Variants in SNTG1 observed in about 807,000 individuals in gnomAD.
The protein encoded by SNTG1 is gamma-1-syntrophin.
In SNTG1, 39 loss-of-function variants were observed where a neutral mutation model predicts 74.7. The ratio of observed to expected loss-of-function variants is 0.52; its 90% CI spans 0.40 to 0.68. The LOEUF is 0.68. Ranked by LOEUF, SNTG1 falls within the 30% of genes least tolerant of loss-of-function variation. SNTG1 has a pLI of 0.00. For missense variants in SNTG1, 685 were observed against 609.5 expected (o/e 1.12, Z -1.30); for synonymous variants, 254 against 217.1 (o/e 1.17, Z -1.49).
At chr8:50,740,824 A>G (rs886500740) in intron 17 of SNTG1, among the ~76,000 whole-genome samples, 4 of 151,990 alleles carry the variant, frequency 2.6e-5, no homozygotes, top group African/African-American at 9.7e-5. Flanking sequence ...AAAGAATGAG[A>G]TCATTTACAT....
chr8:50,083,789 T>A (rs1367393540), intron 1 of SNTG1, among the ~76,000 whole-genome samples: 1 of 152,176 alleles, frequency 6.6e-6, no homozygotes, highest in African/African-American at 2.4e-5. Flanking sequence ...AGTGGTGGGA[T>A]TATGTTTGCT....
At chr8:49,967,575 G>C (rs981926612) in intron 1 of SNTG1, among the ~76,000 whole-genome samples, 1 of 110,964 alleles carries the variant, frequency 9.0e-6, no homozygotes, top group Non-Finnish European at 1.8e-5. Context: ...GTTTTAATTC[G>C]AATTGGTTAA....
intron 13 of SNTG1, among the ~76,000 whole-genome samples, chr8:50,628,987 T>C (rs1337873146): frequency 6.6e-6 from 1 of 152,152 alleles, no homozygotes; most frequent in African/African-American, 2.4e-5. Context: ...AGACAAGTAC[T>C]ACATGATCTC....
chr8:50,190,302 T>A (rs750246060), intron 2 of SNTG1, among the ~76,000 whole-genome samples: 29 of 152,176 alleles, frequency 1.9e-4, no homozygotes, highest in Non-Finnish European at 3.4e-4. Flanking sequence ...ATTTTTATAG[T>A]TATTACCTCC....
chr8:49,968,538 G>A (rs1241137909), intron 1 of SNTG1, among the ~76,000 whole-genome samples: 2 of 152,076 alleles, frequency 1.3e-5, no homozygotes, highest in Non-Finnish European at 2.9e-5. Context: ...GAAAGGATAA[G>A]GGCAAGAACT....
intron 8 of SNTG1, among the ~76,000 whole-genome samples, chr8:50,461,617 A>G (rs2093563427): frequency 6.6e-6 from 1 of 152,100 alleles, no homozygotes. Context: ...TATATATTTT[A>G]CTGGTCAACT....
chr8:50,642,980 G>A (rs1170674924), intron 13 of SNTG1, among the ~76,000 whole-genome samples: 1 of 152,038 alleles, frequency 6.6e-6, no homozygotes, highest in East Asian at 1.9e-4. Flanking sequence ...AAAATGTTCA[G>A]GTTACCAATC....
chr8:50,756,342 T>G (rs754812483), intron 18 of SNTG1, among the ~76,000 whole-genome samples: 8 of 151,896 alleles, frequency 5.3e-5, no homozygotes, highest in Non-Finnish European at 8.8e-5. Flanking sequence ...GAAGGTCATC[T>G]AGACTTTGTA....
chr8:50,255,197 G>A (rs1350924071), intron 2 of SNTG1, among the ~76,000 whole-genome samples: 1 of 151,596 alleles, frequency 6.6e-6, no homozygotes, highest in African/African-American at 2.4e-5. Flanking sequence ...TTCTTATCAG[G>A]GTCACTTGTA....
intron 1 of SNTG1, among the ~76,000 whole-genome samples, chr8:49,921,015 AT>A (rs1017305009): frequency 3.3e-5 from 5 of 152,088 alleles, no homozygotes; most frequent in Non-Finnish European, 7.4e-5. Context: ...GACATGTCAA[AT>A]GGATAATGAG....
At chr8:50,215,865 A>T (rs1344121759) in intron 2 of SNTG1, among the ~76,000 whole-genome samples, 3 of 152,202 alleles carry the variant, frequency 2.0e-5, no homozygotes, top group African/African-American at 7.2e-5. Context: ...CAATGCAAAA[A>T]ACTTCTTATG....
intron 18 of SNTG1, among the ~76,000 whole-genome samples, chr8:50,755,618 T>G (rs1264275663): frequency 1.3e-5 from 2 of 151,896 alleles, no homozygotes; most frequent in Non-Finnish European, 2.9e-5. Flanking sequence ...TTGGGTAATA[T>G]CATGGAGTGT....
intron 2 of SNTG1, among the ~76,000 whole-genome samples, chr8:50,191,016 G>A (rs376761215): frequency 2.6e-4 from 39 of 152,078 alleles, no homozygotes; most frequent in African/African-American, 8.2e-4. Flanking sequence ...TAAGCACTTC[G>A]CTATTTTTTC....
At chr8:50,090,973 G>A (rs1278559666) in intron 1 of SNTG1, among the ~76,000 whole-genome samples, 1 of 152,098 alleles carries the variant, frequency 6.6e-6, no homozygotes, top group Non-Finnish European at 1.5e-5. Context: ...TTTTAAAAAT[G>A]CTGGAAGATG....
chr8:50,331,640 C>T (rs1264167722), intron 2 of SNTG1, among the ~76,000 whole-genome samples: 1 of 152,002 alleles, frequency 6.6e-6, no homozygotes, highest in Non-Finnish European at 1.5e-5. Context: ...GGACAATAGA[C>T]TGAATGATGT....
chr8:50,054,999 T>A (rs970891420), intron 1 of SNTG1, among the ~76,000 whole-genome samples: 8 of 152,094 alleles, frequency 5.3e-5, no homozygotes, highest in Non-Finnish European at 1.5e-5. Context: ...CAATTTTTTT[T>A]AAACTTCTCT....
chr8:50,079,022 T>C (rs1362380207), intron 1 of SNTG1, among the ~76,000 whole-genome samples: 2 of 152,230 alleles, frequency 1.3e-5, no homozygotes, highest in Non-Finnish European at 2.9e-5. Context: ...TAAACATACA[T>C]GTGCATGTGT....
intron 1 of SNTG1, among the ~76,000 whole-genome samples, chr8:50,073,506 T>C (rs888375607): frequency 6.6e-6 from 1 of 152,184 alleles, no homozygotes; most frequent in African/African-American, 2.4e-5. Flanking sequence ...CCTGACATTG[T>C]TGAAATTTTG....
chr8:50,604,795 G>A (rs540421678), intron 13 of SNTG1, among the ~76,000 whole-genome samples: 6 of 137,348 alleles, frequency 4.4e-5, no homozygotes, highest in African/African-American at 6.2e-5. Context: ...TTTTTTCCTC[G>A]CTTTTCTCAA....
Sources: allele counts gnomAD v4.1 joint callset (sites outside exome capture counted in the v4.1 genomes callset), GRCh38; gene constraint gnomAD v4.1.1; transcripts MANE v1.5; gene names NCBI Gene and HGNC (gene_info 2026-07-23, HGNC 2026-07-21).